Variants in SDK1 observed in about 807,000 individuals in gnomAD.
The protein encoded by SDK1 is sidekick cell adhesion molecule 1.
A neutral mutation model predicts 245.5 loss-of-function variants in SDK1; 157 were observed. That is an observed-to-expected ratio of 0.64 (90% confidence interval 0.56 to 0.73). The LOEUF (loss-of-function observed/expected upper bound fraction) is 0.73, where lower values mean the gene tolerates loss of function less well. Ranked by LOEUF, SDK1 falls within the 30% of genes least tolerant of loss-of-function variation. SDK1 has a pLI of 0.00. For missense variants in SDK1, 3,583 were observed against 3,002.3 expected (o/e 1.19, Z -4.52); for synonymous variants, 1,647 against 1,278.5 (o/e 1.29, Z -6.15).
At chr7:3,536,534 C>T (rs1050880215) in intron 1 of SDK1, among the ~76,000 whole-genome samples, 1 of 151,752 alleles carries the variant, frequency 6.6e-6, no homozygotes, top group Non-Finnish European at 1.5e-5. Context: ...AACAAAAAAA[C>T]CCCACAAAAA....
In SDK1 at chr7:4,266,604, T is replaced by C; in HGVS notation, c.*1220T>C. On this transcript the variant is annotated 3_prime_UTR_variant, in exon 45 of 45. Transcript: ENST00000404826. ...TTTATTTAAAATTGTCATTGTTTGG[T>C]TTAAATTTTTCAGCTAGATGAAAAG... is the stretch of plus-strand genomic sequence containing the variant. 1.0e-6 allele frequency: 1 copy of C among 985,392 alleles called. No individual in the cohort carries two copies. The highest frequency in any genetic ancestry group is 1.2e-6 in the Non-Finnish European group (1 of 829,886). 61.0% of individuals were successfully genotyped at this position (985,392 alleles called of 1,614,324 possible). A position where few individuals can be genotyped will look rare whatever the true frequency, so the allele number is the denominator to read the frequency against.
At chr7:3,687,451 C>A (rs553322323) in intron 4 of SDK1, among the ~76,000 whole-genome samples, 2 of 152,278 alleles carry the variant, frequency 1.3e-5, no homozygotes, top group East Asian at 3.9e-4. Context: ...TTCATAATCA[C>A]CCCAAACTGA....
intron 1 of SDK1, among the ~76,000 whole-genome samples, chr7:3,357,719 CT>C (rs1203400760): frequency 5.9e-5 from 9 of 152,106 alleles, no homozygotes; most frequent in African/African-American, 2.2e-4. Flanking sequence ...CATCCCTCCA[CT>C]TTTCTCTTTT....
chr7:4,139,721 ATGTGTGTGTGTGTGTATGTGTG>A (rs1779435657), intron 28 of SDK1, among the ~76,000 whole-genome samples: 1 of 110,662 alleles, frequency 9.0e-6, no homozygotes, highest in African/African-American at 3.8e-5. Context: ...GTGTGTGTGT[ATGTGTGTGTGTGTGTATGTGTG>A]TGTGTGTGTG....
At chr7:3,788,493 A>C (rs1182189254) in intron 4 of SDK1, among the ~76,000 whole-genome samples, 1 of 152,186 alleles carries the variant, frequency 6.6e-6, no homozygotes, top group Admixed American at 6.5e-5. Context: ...TCCCGAAGGC[A>C]AAGAAATCAC....
At chr7:3,788,832 G>A (rs1403985055) in intron 4 of SDK1, among the ~76,000 whole-genome samples, 1 of 152,202 alleles carries the variant, frequency 6.6e-6, no homozygotes, top group African/African-American at 2.4e-5. Flanking sequence ...GCCTCTCCCA[G>A]TTCCGAGAGA....
chr7:4,166,588 C>G (rs1324259915), intron 32 of SDK1, among the ~76,000 whole-genome samples: 2 of 152,214 alleles, frequency 1.3e-5, no homozygotes, highest in African/African-American at 4.8e-5. Context: ...CTCCTGTGCT[C>G]TCAGAACCAT....
At chr7:3,513,959 G>T (rs908623905) in intron 1 of SDK1, among the ~76,000 whole-genome samples, 1 of 152,218 alleles carries the variant, frequency 6.6e-6, no homozygotes, top group Non-Finnish European at 1.5e-5. Flanking sequence ...CAAAAGACAA[G>T]ATTTTATTCT....
intron 1 of SDK1, among the ~76,000 whole-genome samples, chr7:3,345,048 C>T (rs2128555753): frequency 6.6e-6 from 1 of 152,228 alleles, no homozygotes; most frequent in South Asian, 2.1e-4. Flanking sequence ...AAACATATTG[C>T]AAGAAGTTAA....
At chr7:3,492,960 C>G (rs914192696) in intron 1 of SDK1, among the ~76,000 whole-genome samples, 2 of 151,814 alleles carry the variant, frequency 1.3e-5, no homozygotes, top group Non-Finnish European at 2.9e-5. Context: ...TTTTATTTTT[C>G]TATTTTTTGA....
chr7:3,776,045 A>G (rs1462319340), intron 4 of SDK1, among the ~76,000 whole-genome samples: 1 of 152,230 alleles, frequency 6.6e-6, no homozygotes, highest in Non-Finnish European at 1.5e-5. Flanking sequence ...TGTCCACAGG[A>G]TTCTTCATTC....
At chr7:3,440,651 C>T (rs1361436066) in intron 1 of SDK1, among the ~76,000 whole-genome samples, 3 of 152,024 alleles carry the variant, frequency 2.0e-5, no homozygotes, top group Admixed American at 6.5e-5. Flanking sequence ...GAAAGTGCTT[C>T]CTTTAAATGA....
At chr7:3,570,458 G>A (rs2178625) in intron 1 of SDK1, among the ~76,000 whole-genome samples, 1 of 151,868 alleles carries the variant, frequency 6.6e-6, no homozygotes, top group South Asian at 2.1e-4. Flanking sequence ...GGCTATGGAC[G>A]GGTACCCGTC....
chr7:3,374,455 T>C (rs1562448254), intron 1 of SDK1, among the ~76,000 whole-genome samples: 2 of 152,194 alleles, frequency 1.3e-5, no homozygotes, highest in Non-Finnish European at 2.9e-5. Flanking sequence ...TGTAGTGTCA[T>C]AGCCAGTCAC....
intron 5 of SDK1, among the ~76,000 whole-genome samples, chr7:3,940,805 A>T: frequency 6.6e-6 from 1 of 152,002 alleles, no homozygotes. Flanking sequence ...TGGGTGACAA[A>T]AATAATAATA....
intron 20 of SDK1, among the ~76,000 whole-genome samples, chr7:4,073,324 C>T (rs1459542309): frequency 2.0e-5 from 3 of 152,202 alleles, no homozygotes; most frequent in Non-Finnish European, 2.9e-5. Flanking sequence ...AGGCATCACA[C>T]GTCTTGGGCC....
rs1781456979 is a variant in SDK1 at position 3,958,814 on chromosome 7, CT to C, written c.1151-116del. ...TCTGAGTTTGTATGCACGATGCTAACTAATGATGAAATTTTCAAGAATGGTT... is the reference window on the plus strand; with the variant it reads ...TCTGAGTTTGTATGCACGATGCTAACAATGATGAAATTTTCAAGAATGGTT... On this transcript the variant is annotated intron_variant, in intron 7 of 44. Coordinates refer to ENST00000404826, the MANE Select transcript of SDK1 (RefSeq NM_152744.4). 5 of 814,564 alleles carry C rather than the reference CT, an allele frequency of 6.1e-6. No homozygotes were observed. In the Admixed American group the frequency reaches 1.0e-4, roughly 17 times the overall value. The allele number at this position is 814,564 out of a possible 1,614,324, so 50.5% of individuals were successfully genotyped here. A position where few individuals can be genotyped will look rare whatever the true frequency, so the allele number is the denominator to read the frequency against.
At chr7:3,367,254 G>T (rs1175815249) in intron 1 of SDK1, among the ~76,000 whole-genome samples, 1 of 151,936 alleles carries the variant, frequency 6.6e-6, no homozygotes, top group Non-Finnish European at 1.5e-5. Context: ...AATTTCATGT[G>T]ATCTGGATCT....
chr7:3,953,234 G>A (rs1780975287), intron 7 of SDK1, among the ~76,000 whole-genome samples: 1 of 151,992 alleles, frequency 6.6e-6, no homozygotes, highest in Non-Finnish European at 1.5e-5. Context: ...TGCACAAAAG[G>A]TGGTTTACCT....
Sources: allele counts gnomAD v4.1 joint callset (sites outside exome capture counted in the v4.1 genomes callset), GRCh38; gene constraint gnomAD v4.1.1; transcripts MANE v1.5; gene names NCBI Gene and HGNC (gene_info 2026-07-23, HGNC 2026-07-21).